The following RECQL4 variants were observed in gnomAD, a reference collection of about 807,000 sequenced individuals.
RECQL4 encodes ATP-dependent DNA helicase Q4.
Under a neutral mutation model 128.6 loss-of-function variants are expected in RECQL4, and 158 were observed. The observed-to-expected ratio is 1.23, with a 90% CI of 1.08 to 1.40. The LOEUF (loss-of-function observed/expected upper bound fraction) is 1.40. Among genes scored for constraint, RECQL4 ranks in the 40% most tolerant of loss-of-function variants. The probability of loss-of-function intolerance (pLI) is 0.00; values close to 1 mark genes in which losing one functional copy is unlikely to be tolerated. For missense variants in RECQL4, 2,293 were observed against 1,649.8 expected, an observed-to-expected ratio of 1.39 and a Z score of -6.75; for synonymous variants, 996 against 678.9, an observed-to-expected ratio of 1.47 and a Z score of -7.26.
Position 144,516,810 on chromosome 8 carries a change from G to A in RECQL4, c.355-46C>T, listed in dbSNP as rs531198425. On this transcript the variant is annotated intron_variant, in intron 4 of 20. Coordinates refer to ENST00000617875, the MANE Select transcript of RECQL4 (RefSeq NM_004260.4). Reference sequence around the variant, plus strand: ...CAGCAGGAGGAACTCAGGCCCCTGAGCTACTGTAGACTCTAAAACCTACCT... The same window carrying A: ...CAGCAGGAGGAACTCAGGCCCCTGAACTACTGTAGACTCTAAAACCTACCT... 423 of 1,500,508 alleles carry A rather than the reference G, an allele frequency of 2.8e-4. 6 individuals carry two copies. In the South Asian group the frequency reaches 5.2e-3, roughly 18 times the overall value. The allele number at this position is 1,500,508 out of a possible 1,614,324, so 92.9% of individuals were successfully genotyped here. A position where few individuals can be genotyped will look rare whatever the true frequency, so the allele number is the denominator to read the frequency against.
chr8:144,513,155 A>G lies in RECQL4; in HGVS notation c.2464-17T>C, dbSNP rs35066227. The G allele has an allele frequency of 2.2e-3, 2,946 of 1,310,206 alleles. 57 individuals are homozygous for G. The African/African-American group carries it at 0.05, about 22-fold the overall frequency. 81.2% of individuals were successfully genotyped at this position (1,310,206 alleles called of 1,614,324 possible). A position where few individuals can be genotyped will look rare whatever the true frequency, so the allele number is the denominator to read the frequency against. Reference sequence around the variant, plus strand: ...GTCTTCGCCCTGCAGGGCAACTTTCATGAGGGTGGGGTGGACCACTGGGGG... The same window carrying G: ...GTCTTCGCCCTGCAGGGCAACTTTCGTGAGGGTGGGGTGGACCACTGGGGG... On this transcript the variant is annotated splice_polypyrimidine_tract_variant and intron_variant, in intron 14 of 20. Transcript: ENST00000617875.
Position 144,515,924 on chromosome 8 carries a change from G to A in RECQL4, c.1132-34C>T, listed in dbSNP as rs775030555. 34 of 1,612,348 alleles carry A rather than the reference G, an allele frequency of 2.1e-5. No homozygotes were observed. In the South Asian group the frequency reaches 3.2e-4, roughly 15 times the overall value. ...TGCCCACATAGGAGGGTCACTGGGC[G>A]GGAAATACGGGAGGGCTGAGGGGAG... is the stretch of plus-strand genomic sequence containing the variant. On this transcript the variant is annotated intron_variant, in intron 5 of 20. Coordinates refer to ENST00000617875, the MANE Select transcript of RECQL4 (RefSeq NM_004260.4).
At position 144,515,673 on chromosome 8, in the gene RECQL4, C is replaced by A. The variant is rs34038879; in HGVS notation, c.1258+91G>T. On this transcript the variant is annotated intron_variant, in intron 6 of 20. Coordinates refer to ENST00000617875, the MANE Select transcript of RECQL4 (RefSeq NM_004260.4). ...GCCTGGACCAGGGGTACCTGGAAGG[C>A]CTGTTGCTTGGAACATAAGTGTCCC... 3,164 of 1,524,914 alleles carry A rather than the reference C, an allele frequency of 2.1e-3. 58 individuals are homozygous for A. The African/African-American group carries it at 0.037, about 18-fold the overall frequency. 94.5% of individuals were successfully genotyped at this position (1,524,914 alleles called of 1,614,324 possible).
At position 144,517,174 on chromosome 8, in the gene RECQL4, C is replaced by G. The variant is rs373705170; in HGVS notation, c.230G>C (p.Cys77Ser). 1 of 1,606,552 alleles carries G rather than the reference C, an allele frequency of 6.2e-7. No individual in the cohort carries two copies. ...AGCCCGATTCAGATGGGGCCCCCAG[C>G]AGCGGGGCTCTGGCGCCTGCAGGAG... ...AAAEEAPEPR[C>S]WGPHLNRAAT... Residue 77 changes from cysteine (C) to serine (S), a missense_variant, in exon 4 of 21, where the codon TGC becomes TCC. By Grantham distance (112) the Cys-to-Ser change is moderately radical. Coordinates refer to ENST00000617875, the MANE Select transcript of RECQL4 (RefSeq NM_004260.4).
Position 144,515,172 on chromosome 8 carries a change from A to G in RECQL4, c.1461T>C (p.Arg487=), listed in dbSNP as rs1827974826. 6.4e-7 allele frequency: 1 copy of G among 1,565,400 alleles called. No individual in the cohort carries two copies. The highest frequency in any genetic ancestry group is 8.7e-7 in the Non-Finnish European group (1 of 1,156,054). The change falls in exon 8 of 21, where the codon CGT becomes CGC. Residue 487 remains arginine, a synonymous_variant. Transcript: ENST00000617875. ...CACCAGACAGGATCCGCATGACTGC[A>G]CGCTCCTGCCCAGGGCGAAAGGCTT... ...GHQAFRPGQE[R]AVMRILSGIS... is the part of the protein sequence containing the mutation.
In RECQL4 at chr8:144,514,954, C is replaced by T. The variant is rs745896420; in HGVS notation, c.1602G>A (p.Leu534=). 3.1e-6 allele frequency: 5 copies of T among 1,611,676 alleles called. No homozygotes were observed. In the South Asian group the frequency reaches 3.3e-5, roughly 11 times the overall value. The change falls in exon 9 of 21, where the codon CTG becomes CTA. Residue 534 remains leucine, a synonymous_variant. Transcript: ENST00000617875. ...TGCACACCTGGTCATCCATGAGTGACAGCAGGGGAGAGACGACCAACGTGA... is the reference window on the plus strand; with the variant it reads ...TGCACACCTGGTCATCCATGAGTGATAGCAGGGGAGAGACGACCAACGTGA... The part of the protein sequence containing the change: ...PCLTLVVSPL[L]SLMDDQVSGL...
In RECQL4 at chr8:144,514,981, G is replaced by T; in HGVS notation, c.1575C>A (p.Cys525Ter). 6.2e-7 allele frequency: 1 copy of T among 1,611,880 alleles called. No homozygotes were observed. The highest frequency in any genetic ancestry group is 8.5e-7 in the Non-Finnish European group (1 of 1,179,612). ...PALLYSRRSPCLTLVVSPLLS... is the reference protein window; with the variant it reads ...PALLYSRRSP Reference sequence around the variant, plus strand: ...GCAGGGGAGAGACGACCAACGTGAGGCAGGGGCTGCGCCGGCTGTAGAGCA... The same window carrying T: ...GCAGGGGAGAGACGACCAACGTGAGTCAGGGGCTGCGCCGGCTGTAGAGCA... The change falls in exon 9 of 21, where the codon TGC (cysteine) becomes TGA (stop). Residue 525 changes from cysteine (C) to a stop codon, truncating the protein, a stop_gained. Coordinates refer to ENST00000617875, the MANE Select transcript of RECQL4 (RefSeq NM_004260.4). LOFTEE classifies it high-confidence loss of function.
rs748950139 is a variant in RECQL4, at chr8:144,512,781, G to A, written c.2756-10C>T. On this transcript the variant is annotated splice_polypyrimidine_tract_variant and intron_variant, in intron 15 of 20. Coordinates refer to ENST00000617875, the MANE Select transcript of RECQL4 (RefSeq NM_004260.4). The stretch of plus-strand genomic sequence containing the variant: ...AGCAAAGTCTCGATGGCTGGGGGCA[G>A]AGCAGGGCTCAGCGGACGCGGGGAC... 3 of 1,611,482 alleles carry A rather than the reference G, an allele frequency of 1.9e-6. No homozygotes were observed. The highest frequency in any genetic ancestry group is 2.7e-5 in the African/African-American group (2 of 74,946).
At chr8:144,512,594 C>T (rs1827458548) in intron 16 of RECQL4, 33 bp from the exon 17 acceptor site, 1 of 1,612,080 alleles carries the variant, frequency 6.2e-7, no homozygotes, top group South Asian at 1.1e-5. Flanking sequence ...ATGTGGCCAA[C>T]AGCCCTGATT....
chr8:144,514,943 T>C lies in RECQL4; in HGVS notation c.1613A>G (p.Asp538Gly). The change falls in exon 9 of 21, where the codon GAT (aspartate) becomes GGT (glycine). Residue 538 changes from aspartate to glycine, a missense_variant. Transcript: ENST00000617875. ...AGGGCCCTGTGTGCACACCTGGTCA[T>C]CCATGAGTGACAGCAGGGGAGAGAC... ...LVVSPLLSLM[D>G]DQVSGLPPCL... is the part of the protein sequence containing the mutation. 6.2e-7 allele frequency: 1 copy of C among 1,611,328 alleles called. No individual in the cohort carries two copies. Among genetic ancestry groups the C allele is most frequent in the Non-Finnish European group, 8.5e-7 (1 of 1,179,494 alleles).
At chr8:144,514,708 A>C (rs941478596) in intron 9 of RECQL4, among the ~76,000 whole-genome samples, 183 bp from the exon 10 acceptor site, 1 of 152,226 alleles carries the variant, frequency 6.6e-6, no homozygotes, top group Non-Finnish European at 1.5e-5. Context: ...CAGAGCAGAC[A>C]GACTGAAGTA....
chr8:144,511,650 C>G (rs774256449), intron 20 of RECQL4, 31 bp downstream of exon 20: 6 of 1,609,122 alleles, frequency 3.7e-6, no homozygotes, highest in Non-Finnish European at 5.1e-6. Flanking sequence ...CCAGCCCCAG[C>G]CTGCAGCGGG....
rs746758227 is a variant in RECQL4, at chr8:144,515,318, C to T, written c.1390+8G>A. The T allele has an allele frequency of 3.1e-6, 5 of 1,612,172 alleles. No individual in the cohort carries two copies. Among genetic ancestry groups the T allele is most frequent in the Admixed American group, 1.7e-5 (1 of 59,954 alleles). On this transcript the variant is annotated splice_region_variant and intron_variant, in intron 7 of 20. Coordinates refer to ENST00000617875, the MANE Select transcript of RECQL4 (RefSeq NM_004260.4). Reference sequence around the variant, plus strand: ...GTGAAGGCTCTGGGCCAGAAGCTGACTGCTCACCTGCCAACTGCCCTGAGG... The same window carrying T: ...GTGAAGGCTCTGGGCCAGAAGCTGATTGCTCACCTGCCAACTGCCCTGAGG...
rs146709578 is a variant in RECQL4 at position 144,516,403 on chromosome 8, G to A, written c.716C>T (p.Ala239Val). Reference protein sequence around the residue: ...GPGAGSQGPEASAFQEVSIRV... With the variant: ...GPGAGSQGPEVSAFQEVSIRV... Reference sequence around the variant, plus strand: ...GATGCTGACTTCTTGGAAGGCTGAAGCCTCTGGGCCCTGGGAGCCAGCACC... The same window carrying A: ...GATGCTGACTTCTTGGAAGGCTGAAACCTCTGGGCCCTGGGAGCCAGCACC... The change falls in exon 5 of 21, where the codon GCT becomes GTT. Residue 239 changes from alanine to valine, a missense_variant. By Grantham distance (64) the Ala-to-Val change is moderately conservative (BLOSUM62 0). Coordinates refer to ENST00000617875, the MANE Select transcript of RECQL4 (RefSeq NM_004260.4). 2.2e-3 allele frequency: 3,589 copies of A among 1,609,550 alleles called. 10 individuals carry two copies. Among genetic ancestry groups the A allele is most frequent in the Non-Finnish European group, 2.8e-3 (3,343 of 1,179,674 alleles).
Position 144,512,785 on chromosome 8 carries a change from AGGGCTCAGCGGACGCG to A in RECQL4, c.2756-30_2756-15del. 6.2e-7 allele frequency: 1 copy of A among 1,611,472 alleles called. No individual in the cohort carries two copies. Among genetic ancestry groups the A allele is most frequent in the Non-Finnish European group, 8.5e-7 (1 of 1,179,624 alleles). On this transcript the variant is annotated splice_polypyrimidine_tract_variant and intron_variant, in intron 15 of 20. Transcript: ENST00000617875. ...AAGTCTCGATGGCTGGGGGCAGAGC[AGGGCTCAGCGGACGCG>A]GGGACAGCCCCTCCACACCCCTGTG...
Position 144,514,027 on chromosome 8 carries a change from T to C in RECQL4, c.1959A>G (p.Ala653=), listed in dbSNP as rs574411332. ...TATRRTASDV[A]QHLAVAEEPD... ...GCTCTTCAGCCACAGCCAGGTGCTG[T>C]GCCACGTCACTGGCAGTGCGGCGTG... The change falls in exon 12 of 21, where the codon GCA becomes GCG. Residue 653 remains alanine (A), a synonymous_variant. Transcript: ENST00000617875. 110 of 1,574,384 alleles carry C rather than the reference T, an allele frequency of 7.0e-5. 1 individual carries two copies. In the East Asian group the frequency reaches 2.5e-3, roughly 35 times the overall value.
At chr8:144,514,135 G>A (rs1412450280) in intron 11 of RECQL4, 28 bp from the exon 12 acceptor site, 2 of 1,610,038 alleles carry the variant, frequency 1.2e-6, no homozygotes, top group African/African-American at 1.3e-5. Context: ...GTGGTGTGAG[G>A]CCGCCCAGCC....
rs776616498 is a variant in RECQL4 at position 144,514,214 on chromosome 8, C to G, written c.1853G>C (p.Arg618Pro). Residue 618 changes from arginine (R) to proline (P), a missense_variant, in exon 11 of 21, where the codon CGG becomes CCG. By Grantham distance (103) the Arg-to-Pro change is moderately radical (BLOSUM62 -2). Transcript: ENST00000617875. Reference sequence around the variant, plus strand: ...CTTGCAGACGCGCAGGTAGCAGGGCCGGAAGTTGTGGGACCACTGGGAGAG... The same window carrying G: ...CTTGCAGACGCGCAGGTAGCAGGGCGGGAAGTTGTGGGACCACTGGGAGAG... ...HCLSQWSHNFRPCYLRVCKVL... is the reference protein window; with the variant it reads ...HCLSQWSHNFPPCYLRVCKVL... 13 of 1,612,162 alleles carry G rather than the reference C, an allele frequency of 8.1e-6. No homozygotes were observed. The highest frequency in any genetic ancestry group is 1.6e-4 in the Middle Eastern group (1 of 6,082).
At position 144,514,198 on chromosome 8, in the gene RECQL4, G is replaced by C. The variant is rs368736533; in HGVS notation, c.1869C>G (p.Arg623=). Residue 623 remains arginine (R), a synonymous_variant, in exon 11 of 21, where the codon CGC becomes CGG. Transcript: ENST00000617875. The part of the protein sequence containing the change: ...WSHNFRPCYL[R]VCKVLRERMG... Reference sequence around the variant, plus strand: ...TTCACATATGGCTCACCTTGCAGACGCGCAGGTAGCAGGGCCGGAAGTTGT... The same window carrying C: ...TTCACATATGGCTCACCTTGCAGACCCGCAGGTAGCAGGGCCGGAAGTTGT... 8 of 1,612,124 alleles carry C rather than the reference G, an allele frequency of 5.0e-6. No homozygotes were observed. In the African/African-American group the frequency reaches 6.7e-5, roughly 13 times the overall value.
Sources: gnomAD v4.1 joint callset for allele counts (sites outside exome capture counted in the v4.1 genomes callset) on GRCh38, gnomAD v4.1.1 for gene constraint, MANE v1.5 for transcripts, NCBI Gene and HGNC (gene_info 2026-07-23, HGNC 2026-07-21) for gene names.